The following RANBP3 variants were observed in gnomAD, a reference collection of about 807,000 sequenced individuals.
The protein encoded by RANBP3 is ran-binding protein 3.
Under a neutral mutation model 77.3 loss-of-function variants are expected in RANBP3, and 14 were observed. The observed-to-expected ratio is 0.18, with a 90% CI of 0.12 to 0.28. The LOEUF (loss-of-function observed/expected upper bound fraction) is 0.28, where lower values mean the gene tolerates loss of function less well. Ranked by LOEUF, RANBP3 falls within the 10% of genes least tolerant of loss-of-function variation. The probability of loss-of-function intolerance (pLI) is 1.00; values close to 1 mark genes in which losing one functional copy is unlikely to be tolerated. For synonymous variants in RANBP3, 315 were observed against 312.4 expected (o/e 1.01, Z -0.09); for missense variants, 586 against 752.3 (o/e 0.78, Z 2.59).
rs781410410 is a variant in RANBP3 at position 5,941,643 on chromosome 19, G to C, written c.384C>G (p.Thr128=). ...PVKRERTSSL[T]QFPPSQSEER... ...TACCTGACTGTGAGGGTGGGAACTG[G>C]GTTAAAGAGGATGTTCTTTCTCGCT... The change falls in exon 5 of 17, where the codon ACC becomes ACG. Residue 128 remains threonine (T), a synonymous_variant. Transcript: ENST00000340578. The C allele has an allele frequency of 6.2e-7, 1 of 1,613,608 alleles. No homozygotes were observed. The highest frequency in any genetic ancestry group is 1.1e-5 in the South Asian group (1 of 91,060).
chr19:5,947,506 A>G (rs566462567), intron 3 of RANBP3, among the ~76,000 whole-genome samples: 1 of 152,098 alleles, frequency 6.6e-6, no homozygotes, highest in African/African-American at 2.4e-5. Context: ...TCAGGATGAC[A>G]CCGGGGAATG....
chr19:5,928,496 C>CACAAT (rs565919221), intron 8 of RANBP3: 2 of 159,200 alleles, frequency 1.3e-5, no homozygotes, highest in African/African-American at 4.8e-5. Context: ...CTGACATGCC[C>CACAAT]ACAATACATG....
In RANBP3 at chr19:5,957,887, G is replaced by A. The variant is rs371294196; in HGVS notation, c.78+31C>T. 24 of 1,610,578 alleles carry A rather than the reference G, an allele frequency of 1.5e-5. No homozygotes were observed. The African/African-American group carries it at 2.9e-4, about 20-fold the overall frequency. On this transcript the variant is annotated intron_variant, in intron 2 of 16. Coordinates refer to ENST00000340578, the MANE Select transcript of RANBP3 (RefSeq NM_007322.3). ...TAAAGAGAGAACAAATTAGAGTAAC[G>A]AAGTGAAGAGAGAACGTACCGGCCC...
Position 5,917,205 on chromosome 19 carries a change from A to C in RANBP3, c.*405T>G. The C allele has an allele frequency of 3.4e-6, 1 of 293,614 alleles. No individual in the cohort carries two copies. Among genetic ancestry groups the C allele is most frequent in the Non-Finnish European group, 6.7e-6 (1 of 150,328 alleles). 18.2% of individuals were successfully genotyped at this position (293,614 alleles called of 1,614,324 possible). A position where few individuals can be genotyped will look rare whatever the true frequency, so the allele number is the denominator to read the frequency against. ...GGCAGAGGGCTGGCTGCTCCCCACA[A>C]AGGCAGGGCCCCACAGCAGGGTGGG... On this transcript the variant is annotated 3_prime_UTR_variant, in exon 17 of 17. Transcript: ENST00000340578.
intron 1 of RANBP3, among the ~76,000 whole-genome samples, chr19:5,976,816 G>A (rs1292801336): frequency 2.0e-5 from 3 of 152,142 alleles, no homozygotes; most frequent in Admixed American, 2.0e-4. Flanking sequence ...GATGCCCAGC[G>A]CCCGCCCAAC....
intron 1 of RANBP3, among the ~76,000 whole-genome samples, chr19:5,970,667 C>T (rs2058519761): frequency 6.6e-6 from 1 of 152,124 alleles, no homozygotes; most frequent in Admixed American, 6.6e-5. Flanking sequence ...GTGGAAAAAC[C>T]CTGGTATAAC....
intron 5 of RANBP3, chr19:5,934,070 C>T (rs1328720256): frequency 1.3e-5 from 2 of 152,250 alleles, no homozygotes. Context: ...GGCCAGCTCC[C>T]CCTGGGCCAG....
At chr19:5,965,323 T>C (rs1045639221) in intron 1 of RANBP3, among the ~76,000 whole-genome samples, 7 of 151,532 alleles carry the variant, frequency 4.6e-5, no homozygotes, top group Non-Finnish European at 7.4e-5. Flanking sequence ...CTTCAAAGAG[T>C]AAGGAGGGTG....
intron 8 of RANBP3, 58 bp from the exon 9 acceptor site, chr19:5,928,145 CGGATGCCCAGCA>C (rs1279017603): frequency 4.5e-6 from 7 of 1,567,346 alleles, no homozygotes; most frequent in African/African-American, 1.4e-5. Flanking sequence ...TTGGCCCAGA[CGGATGCCCAGCA>C]ATCCCACACC....
intron 10 of RANBP3, 119 bp from the exon 11 acceptor site, chr19:5,925,024 T>C: frequency 1.1e-6 from 1 of 892,326 alleles, no homozygotes; most frequent in Non-Finnish European, 1.9e-6. Context: ...CCTCCGCCAC[T>C]GTGCACGGGG....
intron 3 of RANBP3, among the ~76,000 whole-genome samples, chr19:5,945,276 C>T (rs551973642): frequency 1.3e-4 from 20 of 152,358 alleles, no homozygotes; most frequent in African/African-American, 4.6e-4. Flanking sequence ...GTCTCCTCAC[C>T]CCTGCACGGG....
chr19:5,925,165 C>T, intron 10 of RANBP3: 2 of 534,028 alleles, frequency 3.7e-6, no homozygotes, highest in South Asian at 2.1e-5. Flanking sequence ...GCCCATCTCC[C>T]AGTCGGGACA....
chr19:5,975,788 G>A (rs146239402), intron 1 of RANBP3, among the ~76,000 whole-genome samples: 4 of 151,598 alleles, frequency 2.6e-5, no homozygotes, highest in African/African-American at 9.7e-5. Context: ...AAAACCAGAA[G>A]AAGTGAGCCA....
At chr19:5,925,430 C>A in intron 10 of RANBP3, 2 of 599,214 alleles carry the variant, frequency 3.3e-6, no homozygotes, top group Admixed American at 2.9e-5. Context: ...CTGTCTCAGG[C>A]GTCCAGTGAA....
chr19:5,938,962 A>C (rs1387189969), intron 5 of RANBP3, among the ~76,000 whole-genome samples: 1 of 151,674 alleles, frequency 6.6e-6, no homozygotes, highest in Non-Finnish European at 1.5e-5. Flanking sequence ...AGACAGGTGC[A>C]TCACCTGAGG....
chr19:5,957,999 TC>T (rs755063600), intron 1 of RANBP3, 26 bp from the exon 2 acceptor site: 7 of 1,610,368 alleles, frequency 4.3e-6, no homozygotes, highest in Non-Finnish European at 3.4e-6. Context: ...TTAGTTTTTT[TC>T]CCCCCAACAC....
In RANBP3 at chr19:5,921,156, C is replaced by T. The variant is rs1228704339; in HGVS notation, c.1330+45G>A. The T allele has an allele frequency of 1.3e-6, 2 of 1,589,202 alleles. No individual in the cohort carries two copies. Among genetic ancestry groups the T allele is most frequent in the Non-Finnish European group, 1.7e-6 (2 of 1,169,296 alleles). On this transcript the variant is annotated intron_variant, in intron 14 of 16. Coordinates refer to ENST00000340578, the MANE Select transcript of RANBP3 (RefSeq NM_007322.3). The surrounding 1 kb of genome is among the most constrained non-coding windows in gnomAD (Gnocchi z 5.3). ...CTTTGGAATTGCATAGTCCCCAGCC[C>T]TCCCCATGGGGACCCGGCCACAGCC...
At chr19:5,935,936 C>T (rs1308677465) in intron 5 of RANBP3, 1 of 398,220 alleles carries the variant, frequency 2.5e-6, no homozygotes, top group African/African-American at 2.1e-5. Context: ...GATGCTGCAC[C>T]AGTCTCTGAG....
chr19:5,933,890 C>T lies in RANBP3; in HGVS notation c.407-411G>A, dbSNP rs145421261. 1,194 of 161,172 alleles carry T rather than the reference C, an allele frequency of 7.4e-3. 4 individuals are homozygous for T. The highest frequency in any genetic ancestry group is 0.012 in the Non-Finnish European group (912 of 73,744). 10.0% of individuals were successfully genotyped at this position (161,172 alleles called of 1,614,324 possible). A position where few individuals can be genotyped will look rare whatever the true frequency, so the allele number is the denominator to read the frequency against. On this transcript the variant is annotated intron_variant, in intron 5 of 16. Coordinates refer to ENST00000340578, the MANE Select transcript of RANBP3 (RefSeq NM_007322.3). ...TAGAAGGCTTGTCTGTCAGAGGATG[C>T]GGCTGTGGCCAGGAAGAACCTTGGC... is the stretch of plus-strand genomic sequence containing the variant.
Sources: gnomAD v4.1 joint callset for allele counts (sites outside exome capture counted in the v4.1 genomes callset) on GRCh38, gnomAD v4.1.1 for gene constraint, Gnocchi (gnomAD v3.1) non-coding constraint, MANE v1.5 for transcripts, NCBI Gene and HGNC (gene_info 2026-07-23, HGNC 2026-07-21) for gene names.